Variants in SMAD6 observed in about 807,000 individuals in gnomAD.
SMAD6 encodes SMAD family member 6.
A neutral mutation model predicts 39.4 loss-of-function variants in SMAD6; 103 were observed. The ratio of observed to expected loss-of-function variants is 2.62; its 90% CI spans 2.23 to 3.08. The LOEUF is 3.08. SMAD6 is among the 30% of genes most tolerant of loss of function. The pLI is 0.00. For missense variants in SMAD6, 1,104 were observed against 742.9 expected, an observed-to-expected ratio of 1.49 and a Z score of -5.65; for synonymous variants, 445 against 353.3, an observed-to-expected ratio of 1.26 and a Z score of -2.91.
chr15:66,717,622 G>A, intron 3 of SMAD6: 1 of 373,706 alleles, frequency 2.7e-6, no homozygotes, highest in Non-Finnish European at 5.5e-6. Flanking sequence ...CATTTCCCCA[G>A]CCCAGAGCCT....
At chr15:66,778,497 C>A (rs1370440545) in intron 3 of SMAD6, among the ~76,000 whole-genome samples, 1 of 152,170 alleles carries the variant, frequency 6.6e-6, no homozygotes, top group African/African-American at 2.4e-5. Flanking sequence ...AGAGCCTTGT[C>A]TGTGAAGAGG....
At chr15:66,734,855 A>G (rs1893687143) in intron 3 of SMAD6, among the ~76,000 whole-genome samples, 1 of 152,214 alleles carries the variant, frequency 6.6e-6, no homozygotes, top group Non-Finnish European at 1.5e-5. Flanking sequence ...TTAAGTTGGT[A>G]AGTTTTATGT....
chr15:66,711,738 CCTT>C lies in SMAD6; in HGVS notation c.874+16_874+18del. ...ACAAGCCACTGGGTAAGTGTGCCCT[CCTT>C]CCTACCCTTGCAGAGGTGTGTCCCG... is the stretch of plus-strand genomic sequence containing the variant. On this transcript the variant is annotated intron_variant, in intron 2 of 3. Transcript: ENST00000288840. The C allele has an allele frequency of 6.2e-7, 1 of 1,606,546 alleles. No homozygotes were observed. The highest frequency in any genetic ancestry group is 8.5e-7 in the Non-Finnish European group (1 of 1,173,876).
intron 3 of SMAD6, chr15:66,740,370 G>A (rs980815974): frequency 2.0e-5 from 3 of 152,168 alleles, no homozygotes; most frequent in Non-Finnish European, 4.4e-5. Flanking sequence ...CTGAACTCCC[G>A]AGAAGGAGAC....
intron 3 of SMAD6, among the ~76,000 whole-genome samples, chr15:66,749,823 G>C (rs1391036356): frequency 6.6e-6 from 1 of 152,168 alleles, no homozygotes; most frequent in Admixed American, 6.5e-5. Context: ...ACTGACCCCA[G>C]GTGGCACCCC....
At chr15:66,758,938 G>A (rs769290314) in intron 3 of SMAD6, among the ~76,000 whole-genome samples, 9 of 152,130 alleles carry the variant, frequency 5.9e-5, no homozygotes, top group Non-Finnish European at 8.8e-5. Context: ...CAAAAAAGCA[G>A]GAACCAAGAG....
chr15:66,739,342 G>A (rs930041710), intron 3 of SMAD6, among the ~76,000 whole-genome samples: 3 of 151,770 alleles, frequency 2.0e-5, no homozygotes, highest in African/African-American at 4.8e-5. Context: ...GCCCACCTTG[G>A]CCTCCCAAAG....
At chr15:66,708,952 A>AG (rs1397120519) in intron 1 of SMAD6, among the ~76,000 whole-genome samples, 1 of 152,252 alleles carries the variant, frequency 6.6e-6, no homozygotes, top group Non-Finnish European at 1.5e-5. Flanking sequence ...ATTTTTGGAA[A>AG]GGGTCACCTG....
intron 3 of SMAD6, among the ~76,000 whole-genome samples, chr15:66,773,929 C>T (rs1353247216): frequency 6.6e-6 from 1 of 152,174 alleles, no homozygotes; most frequent in African/African-American, 2.4e-5. Context: ...CCTTTTGGTC[C>T]AGCCCTGGGA....
intron 3 of SMAD6, among the ~76,000 whole-genome samples, chr15:66,736,402 G>A (rs1161544787): frequency 6.6e-6 from 1 of 152,168 alleles, no homozygotes; most frequent in Admixed American, 6.5e-5. Context: ...CACTACCTAG[G>A]TTACACATCT....
chr15:66,711,649 G>GCTGT lies in SMAD6; in HGVS notation c.818-16_818-13dup, dbSNP rs1567094903. Reference sequence around the variant, plus strand: ...AGCTCCCCAACCCTGGCAGTGACATGCTGTCTCCTGTCTTCCAGAATCTCC... The same window carrying GCTGT: ...AGCTCCCCAACCCTGGCAGTGACATGCTGTCTGTCTCCTGTCTTCCAGAATCTCC... On this transcript the variant is annotated intron_variant, in intron 1 of 3. Transcript: ENST00000288840. 1 of 1,609,110 alleles carries GCTGT rather than the reference G, an allele frequency of 6.2e-7. No homozygotes were observed. The highest frequency in any genetic ancestry group is 8.5e-7 in the Non-Finnish European group (1 of 1,175,476).
chr15:66,761,677 A>C (rs754638507), intron 3 of SMAD6, among the ~76,000 whole-genome samples: 1 of 152,130 alleles, frequency 6.6e-6, no homozygotes, highest in Non-Finnish European at 1.5e-5. Flanking sequence ...TGGATGAGTG[A>C]TCTCTGCTCT....
Position 66,703,231 on chromosome 15 carries a change from C to A in SMAD6, c.-28C>A, listed in dbSNP as rs1322182294. The A allele has an allele frequency of 1.5e-6, 2 of 1,363,496 alleles. No individual in the cohort carries two copies. The highest frequency in any genetic ancestry group is 3.1e-5 in the East Asian group (1 of 32,540). 84.5% of individuals were successfully genotyped at this position (1,363,496 alleles called of 1,614,324 possible). On this transcript the variant is annotated 5_prime_UTR_variant, in exon 1 of 4. Coordinates refer to ENST00000288840, the MANE Select transcript of SMAD6 (RefSeq NM_005585.5). The stretch of plus-strand genomic sequence containing the variant: ...CCCCGGTAACCGGAGACCGCCTCCC[C>A]CCCACCCCTGGCGCCAAAGGATATC...
In SMAD6 at chr15:66,703,789, C is replaced by G. The variant is rs760571406; in HGVS notation, c.531C>G (p.Tyr177Ter). 1.5e-5 allele frequency: 22 copies of G among 1,441,546 alleles called. No homozygotes were observed. The highest frequency in any genetic ancestry group is 1.7e-5 in the Non-Finnish European group (18 of 1,086,970). 89.3% of individuals were successfully genotyped at this position (1,441,546 alleles called of 1,614,324 possible). Residue 177 changes from tyrosine (Y) to a stop codon, truncating the protein, a stop_gained, in exon 1 of 4, where the codon TAC becomes TAG. Coordinates refer to ENST00000288840, the MANE Select transcript of SMAD6 (RefSeq NM_005585.5). LOFTEE classifies it high-confidence loss of function. ...LLEQELKTVT[Y>*]SLLKRLKERS... Reference sequence around the variant, plus strand: ...AGCAGGAACTCAAAACCGTCACGTACTCGCTGCTGAAGCGGCTCAAGGAGC... The same window carrying G: ...AGCAGGAACTCAAAACCGTCACGTAGTCGCTGCTGAAGCGGCTCAAGGAGC...
At chr15:66,733,537 T>C (rs1893665781) in intron 3 of SMAD6, among the ~76,000 whole-genome samples, 1 of 152,258 alleles carries the variant, frequency 6.6e-6, no homozygotes, top group African/African-American at 2.4e-5. Context: ...AGGTAATTCA[T>C]GTTTCTTGGT....
chr15:66,775,733 A>G (rs3935285), intron 3 of SMAD6, among the ~76,000 whole-genome samples: 1 of 151,958 alleles, frequency 6.6e-6, no homozygotes, highest in Non-Finnish European at 1.5e-5. Flanking sequence ...GATGTTGTTC[A>G]CTCGTGTCTG....
chr15:66,770,999 A>G (rs562302440), intron 3 of SMAD6, among the ~76,000 whole-genome samples: 1 of 152,318 alleles, frequency 6.6e-6, no homozygotes, highest in Non-Finnish European at 1.5e-5. Flanking sequence ...CGGAGAGTGT[A>G]GTGAAGGGAG....
At chr15:66,726,759 T>C (rs1893528175) in intron 3 of SMAD6, among the ~76,000 whole-genome samples, 2 of 152,214 alleles carry the variant, frequency 1.3e-5, no homozygotes, top group Admixed American at 1.3e-4. Flanking sequence ...AATGGGTCAG[T>C]TGGTCCAAAT....
At chr15:66,740,897 C>T (rs1893802003) in intron 3 of SMAD6, 1 of 152,216 alleles carries the variant, frequency 6.6e-6, no homozygotes, top group South Asian at 2.1e-4. Flanking sequence ...TCTGAGATCC[C>T]TGGAGGGTGG....
Sources: gnomAD v4.1 joint callset for allele counts (sites outside exome capture counted in the v4.1 genomes callset) on GRCh38, gnomAD v4.1.1 for gene constraint, MANE v1.5 for transcripts, NCBI Gene and HGNC (gene_info 2026-07-23, HGNC 2026-07-21) for gene names.